Variants in MCF2L2 observed in about 807,000 individuals in gnomAD.
MCF2L2 encodes MCF.2 cell line derived transforming sequence-like 2.
Under a neutral mutation model 150.2 loss-of-function variants are expected in MCF2L2, and 102 were observed. The observed-to-expected ratio is 0.68, with a 90% CI of 0.58 to 0.80. The LOEUF (loss-of-function observed/expected upper bound fraction) is 0.80. Among genes scored for constraint, MCF2L2 ranks in the 30% least tolerant of loss-of-function variants. The pLI, the probability that MCF2L2 is intolerant of heterozygous loss-of-function variation, is 0.00. For missense variants in MCF2L2, 1,256 were observed against 1,372.8 expected, an observed-to-expected ratio of 0.91 and a Z score of 1.34; for synonymous variants, 465 against 491.3, an observed-to-expected ratio of 0.95 and a Z score of 0.71.
At chr3:183,399,490 T>C (rs1295814184) in intron 1 of MCF2L2, among the ~76,000 whole-genome samples, 1 of 152,160 alleles carries the variant, frequency 6.6e-6, no homozygotes, top group African/African-American at 2.4e-5. Flanking sequence ...AAAGAAGCAG[T>C]CTTAGAAACA....
intron 15 of MCF2L2, chr3:183,258,453 C>T (rs1297844754): frequency 6.6e-6 from 1 of 152,454 alleles, no homozygotes; most frequent in Non-Finnish European, 1.5e-5. Flanking sequence ...CTTTCCTCCC[C>T]AAACCCACAT....
At chr3:183,185,820 A>G (rs994937277) in intron 27 of MCF2L2, among the ~76,000 whole-genome samples, 2 of 152,236 alleles carry the variant, frequency 1.3e-5, no homozygotes, top group Non-Finnish European at 2.9e-5. Context: ...TTGCAAGCCT[A>G]TCTTTGGCTA....
intron 20 of MCF2L2, 62 bp downstream of exon 20, chr3:183,223,283 TG>T: frequency 8.2e-7 from 1 of 1,221,692 alleles, no homozygotes; most frequent in Non-Finnish European, 1.2e-6. Flanking sequence ...TGTAACGACA[TG>T]GGCACCACAG....
In MCF2L2 at chr3:183,414,482, C is replaced by G. The variant is rs183685628; in HGVS notation, c.76+13420G>C. Among the ~76,000 whole-genome samples the G allele has an allele frequency of 1.1e-3, 160 of 152,192 alleles. 3 individuals are homozygous for G. The Middle Eastern group carries it at 0.02, about 19-fold the overall frequency. On this transcript the variant is annotated intron_variant, in intron 1 of 29. Transcript: ENST00000328913. ...TCTTTTTTCTCTTGTTACTCTATAG[C>G]TAAAGGTTAATTTTTTCAATTAATC...
chr3:183,325,534 A>C (rs912355932), intron 5 of MCF2L2, among the ~76,000 whole-genome samples: 1 of 152,228 alleles, frequency 6.6e-6, no homozygotes, highest in African/African-American at 2.4e-5. Flanking sequence ...GGAGTTTTTA[A>C]AAGGTATTTA....
At chr3:183,280,646 C>T (rs577795478) in intron 14 of MCF2L2, among the ~76,000 whole-genome samples, 36 of 151,910 alleles carry the variant, frequency 2.4e-4, no homozygotes, top group African/African-American at 5.1e-4. Context: ...GTCAGGAGTT[C>T]GAGATCAGCC....
At chr3:183,255,892 T>A (rs1458397282) in intron 15 of MCF2L2, among the ~76,000 whole-genome samples, 1 of 151,928 alleles carries the variant, frequency 6.6e-6, no homozygotes, top group African/African-American at 2.4e-5. Context: ...TTGAAATGGG[T>A]CATCTTTTAA....
intron 2 of MCF2L2, among the ~76,000 whole-genome samples, chr3:183,380,781 G>A (rs1343532025): frequency 6.6e-6 from 1 of 152,130 alleles, no homozygotes; most frequent in African/African-American, 2.4e-5. Context: ...TGGGGGTTTG[G>A]TACTTGCTGG....
intron 4 of MCF2L2, 65 bp downstream of exon 4, chr3:183,341,475 T>G: frequency 7.7e-7 from 1 of 1,298,262 alleles, no homozygotes; most frequent in Non-Finnish European, 1.1e-6. Flanking sequence ...AGGACTTTGA[T>G]ATGAAATAGT....
intron 15 of MCF2L2, chr3:183,269,721 A>T (rs762609445): frequency 3.3e-5 from 45 of 1,348,430 alleles, no homozygotes; most frequent in Middle Eastern, 4.9e-4. Context: ...CTACTCTACG[A>T]AACACGAAGT....
chr3:183,272,780 T>C, intron 15 of MCF2L2: 2 of 1,129,124 alleles, frequency 1.8e-6, no homozygotes, highest in Middle Eastern at 3.9e-4. Flanking sequence ...CTTTTGCCCA[T>C]ATATACCCTG....
intron 3 of MCF2L2, among the ~76,000 whole-genome samples, chr3:183,343,755 CTG>C (rs1730793926): frequency 6.6e-6 from 1 of 152,178 alleles, no homozygotes; most frequent in African/African-American, 2.4e-5. Context: ...GTATTATCAA[CTG>C]TGTTTTTTAT....
At chr3:183,415,672 G>A (rs974713266) in intron 1 of MCF2L2, among the ~76,000 whole-genome samples, 3 of 151,984 alleles carry the variant, frequency 2.0e-5, no homozygotes. Flanking sequence ...TCTGATATTA[G>A]TATCATCACC....
At chr3:183,422,640 G>A (rs956244920) in intron 1 of MCF2L2, among the ~76,000 whole-genome samples, 18 of 152,176 alleles carry the variant, frequency 1.2e-4, no homozygotes, top group Admixed American at 1.0e-3. Context: ...GCCCCTCCTG[G>A]CAAGGGACTA....
intron 23 of MCF2L2, 48 bp downstream of exon 23, chr3:183,207,560 C>T (rs754423204): frequency 7.0e-7 from 1 of 1,423,888 alleles, no homozygotes; most frequent in South Asian, 1.2e-5. Context: ...AACGATCTCT[C>T]TCTTTTCTGC....
Position 183,338,217 on chromosome 3 carries a change from C to T in MCF2L2, c.486+583G>A, listed in dbSNP as rs564034480. 5.9e-5 allele frequency among the ~76,000 whole-genome samples: 9 copies of T among 151,856 alleles called. No individual in the cohort carries two copies. The East Asian group carries it at 7.8e-4, about 13-fold the overall frequency. On this transcript the variant is annotated intron_variant, in intron 5 of 29. Transcript: ENST00000328913. ...ATCCCAGCACTTTGGGAGGCCGATG[C>T]GGGTGTATCACCTGAAGCCAGGAGT...
chr3:183,186,067 C>G (rs1445393657), intron 27 of MCF2L2, among the ~76,000 whole-genome samples: 2 of 152,076 alleles, frequency 1.3e-5, no homozygotes, highest in African/African-American at 4.8e-5. Flanking sequence ...AGCTCAGCCA[C>G]CAGCTGCCCT....
intron 14 of MCF2L2, among the ~76,000 whole-genome samples, chr3:183,278,188 G>GAA (rs1298106368): frequency 3.5e-5 from 5 of 142,692 alleles, no homozygotes; most frequent in African/African-American, 1.4e-4. Flanking sequence ...TGTCTCAAAA[G>GAA]AAAAAATATA....
At chr3:183,268,909 A>T (rs886809877) in intron 15 of MCF2L2, among the ~76,000 whole-genome samples, 5 of 152,210 alleles carry the variant, frequency 3.3e-5, no homozygotes, top group Non-Finnish European at 5.9e-5. Context: ...AAAAAAGTAC[A>T]GAAAGAAGGT....
Sources: allele counts gnomAD v4.1 joint callset (sites outside exome capture counted in the v4.1 genomes callset), GRCh38; gene constraint gnomAD v4.1.1; transcripts MANE v1.5; gene names NCBI Gene and HGNC (gene_info 2026-07-23, HGNC 2026-07-21).